NDRG2: variants seen among roughly 807,000 people sequenced by gnomAD.
NDRG2 encodes NDRG family member 2.
Under a neutral mutation model 58.2 loss-of-function variants are expected in NDRG2, and 34 were observed. That is an observed-to-expected ratio of 0.58 (90% CI 0.44 to 0.78). NDRG2 has a LOEUF of 0.78. NDRG2 is among the 30% of genes least tolerant of loss of function. The pLI is 0.00. For missense variants in NDRG2, 434 were observed against 471.2 expected, an observed-to-expected ratio of 0.92 and a Z score of 0.73; for synonymous variants, 187 against 175.9, an observed-to-expected ratio of 1.06 and a Z score of -0.50.
At position 21,070,273 on chromosome 14, in the gene NDRG2, C is replaced by G. The variant is rs1886591689; in HGVS notation, c.24+555G>C. ...GGCCTGGAAGCCGGAGCGGGCCGAG[C>G]CGCCACCGCGGCCGGAGCTGTCCCT... On this transcript the variant is annotated intron_variant, in intron 1 of 14. Transcript: ENST00000403829. This position sits in a 1 kb window ranked among gnomAD's most constrained non-coding sequence, Gnocchi z 4.7. The G allele has an allele frequency of 9.4e-7, 1 of 1,065,860 alleles. No individual in the cohort carries two copies. The highest frequency in any genetic ancestry group is 4.5e-5 in the Admixed American group (1 of 22,042). The allele number at this position is 1,065,860 out of a possible 1,614,324, so 66.0% of individuals were successfully genotyped here. A position where few individuals can be genotyped will look rare whatever the true frequency, so the allele number is the denominator to read the frequency against.
chr14:21,027,651 G>A (rs775755053), upstream of NDRG2, among the ~76,000 whole-genome samples: 16 of 152,122 alleles, frequency 1.1e-4, no homozygotes, highest in East Asian at 3.8e-4. Context: ...CTGTAAATGC[G>A]GTAATACCTA....
intron 1 of NDRG2, chr14:21,032,940 C>T (rs770978422): frequency 1.3e-5 from 6 of 455,960 alleles, no homozygotes; most frequent in African/African-American, 6.0e-5. Context: ...CTTACATACT[C>T]AGATGTGGTT....
chr14:21,023,613 A>C, intron 1 of NDRG2: 1 of 378,640 alleles, frequency 2.6e-6, no homozygotes, highest in Non-Finnish European at 4.9e-6. Flanking sequence ...CTGGACCAAA[A>C]TACCAGGGTG....
chr14:21,049,273 C>A (rs756124511), intron 1 of NDRG2, among the ~76,000 whole-genome samples: 36 of 152,200 alleles, frequency 2.4e-4, no homozygotes, highest in Non-Finnish European at 3.4e-4. Context: ...ATATTTTTCC[C>A]ACCCTCTGAT....
chr14:21,031,591 T>C (rs183605100), intron 1 of NDRG2, among the ~76,000 whole-genome samples: 125 of 151,930 alleles, frequency 8.2e-4, no homozygotes, highest in African/African-American at 2.9e-3. Flanking sequence ...AGTCGGGGAG[T>C]GGGAGTGAAG....
At chr14:21,028,688 T>A (rs1883861887), upstream of NDRG2, among the ~76,000 whole-genome samples, 1 of 152,084 alleles carries the variant, frequency 6.6e-6, no homozygotes, top group African/African-American at 2.4e-5. Context: ...TTTGTGAAAA[T>A]TAATCTGATG....
intron 1 of NDRG2, among the ~76,000 whole-genome samples, chr14:21,040,994 T>G (rs1884868023): frequency 6.6e-6 from 1 of 151,784 alleles, no homozygotes; most frequent in South Asian, 2.1e-4. Flanking sequence ...TTTGTTTGTT[T>G]GTTTGTTTGT....
chr14:21,058,555 C>A, intron 1 of NDRG2: 1 of 576,264 alleles, frequency 1.7e-6, no homozygotes, highest in Non-Finnish European at 3.1e-6. Context: ...TTCTCTTCAG[C>A]CTTTCATTGT....
At chr14:21,018,152 C>T in intron 14 of NDRG2, 52 bp downstream of exon 14, 1 of 1,609,426 alleles carries the variant, frequency 6.2e-7, no homozygotes. Context: ...GAGCCCAGTG[C>T]CACCGGTATC....
At chr14:21,068,743 G>A (rs2139179070) in intron 1 of NDRG2, among the ~76,000 whole-genome samples, 1 of 152,336 alleles carries the variant, frequency 6.6e-6, no homozygotes, top group African/African-American at 2.4e-5. Context: ...CTCTAACTGT[G>A]CGGGGAAGAT....
intron 10 of NDRG2, 93 bp from the exon 11 acceptor site, chr14:21,019,253 TA>T: frequency 8.0e-7 from 1 of 1,252,576 alleles, no homozygotes; most frequent in Non-Finnish European, 1.1e-6. Context: ...TATCTTTGTC[TA>T]AAAATTACGG....
At chr14:21,020,702 T>TC (rs1879679897) in intron 7 of NDRG2, 82 bp downstream of exon 7, 1 of 1,592,854 alleles carries the variant, frequency 6.3e-7, no homozygotes, top group Non-Finnish European at 8.6e-7. Flanking sequence ...GCCCACTTCC[T>TC]CCCCCAAACA....
chr14:21,029,446 CA>C (rs1215798480), upstream of NDRG2, among the ~76,000 whole-genome samples: 2 of 151,994 alleles, frequency 1.3e-5, no homozygotes, highest in Non-Finnish European at 2.9e-5. Context: ...ACTAAAAATG[CA>C]AAAATTAGCC....
At chr14:21,056,205 C>T (rs1028422964) in intron 1 of NDRG2, among the ~76,000 whole-genome samples, 3 of 152,152 alleles carry the variant, frequency 2.0e-5, no homozygotes, top group Non-Finnish European at 2.9e-5. Flanking sequence ...AACACACTAT[C>T]GCCGACCTGA....
At chr14:21,044,982 T>A (rs1397605439) in intron 1 of NDRG2, among the ~76,000 whole-genome samples, 2 of 152,082 alleles carry the variant, frequency 1.3e-5, no homozygotes, top group African/African-American at 4.8e-5. Flanking sequence ...TACAGCAAAA[T>A]GTGAGGAATC....
At chr14:21,053,074 T>C (rs1885534389) in intron 1 of NDRG2, among the ~76,000 whole-genome samples, 1 of 152,210 alleles carries the variant, frequency 6.6e-6, no homozygotes, top group African/African-American at 2.4e-5. Flanking sequence ...TACAAGGGGA[T>C]AATCAGGTTT....
chr14:21,030,995 T>C, intron 1 of NDRG2: 1 of 1,588,248 alleles, frequency 6.3e-7, no homozygotes, highest in South Asian at 1.1e-5. Context: ...TTTCTGGATT[T>C]CTGTCTAACT....
intron 6 of NDRG2, chr14:21,021,093 C>A: frequency 3.1e-6 from 2 of 643,522 alleles, no homozygotes; most frequent in Non-Finnish European, 5.8e-6. Context: ...AAAACAAACA[C>A]CCATCCACCA....
chr14:21,026,794 G>A (rs1271890722), upstream of NDRG2, among the ~76,000 whole-genome samples: 3 of 152,030 alleles, frequency 2.0e-5, no homozygotes, highest in Admixed American at 2.0e-4. Flanking sequence ...GGGCACCCTG[G>A]CTCCTCTCCT....
Sources: allele counts gnomAD v4.1 joint callset (sites outside exome capture counted in the v4.1 genomes callset), GRCh38; gene constraint gnomAD v4.1.1; non-coding constraint Gnocchi (gnomAD v3.1); transcripts MANE v1.5; gene names NCBI Gene and HGNC (gene_info 2026-07-23, HGNC 2026-07-21).